CSMD1: variants seen among roughly 807,000 people sequenced by gnomAD.
CSMD1 encodes the protein CUB and sushi domain-containing protein 1.
In CSMD1, 213 loss-of-function variants were observed where a neutral mutation model predicts 417.5. The ratio of observed to expected loss-of-function variants is 0.51; its 90% CI spans 0.46 to 0.57. The LOEUF is 0.57. Ranked by LOEUF, CSMD1 falls within the 20% of genes least tolerant of loss-of-function variation. CSMD1 has a pLI of 0.00. For missense variants in CSMD1, 6,923 were observed against 4,529.7 expected, an observed-to-expected ratio of 1.53 and a Z score of -15.17; for synonymous variants, 2,862 against 1,736.8, an observed-to-expected ratio of 1.65 and a Z score of -16.11.
At chr8:3,909,104 A>G (rs1458521789) in intron 5 of CSMD1, among the ~76,000 whole-genome samples, 3 of 152,182 alleles carry the variant, frequency 2.0e-5, no homozygotes, top group African/African-American at 7.2e-5. Context: ...ACTGGGCTGG[A>G]GACAACTAAA....
intron 49 of CSMD1, among the ~76,000 whole-genome samples, chr8:3,056,294 T>G (rs1316531190): frequency 1.3e-5 from 2 of 152,202 alleles, no homozygotes; most frequent in Non-Finnish European, 2.9e-5. Flanking sequence ...CCACATGGGA[T>G]TTCTTCTTTG....
At chr8:4,658,535 G>C (rs1031650510) in intron 1 of CSMD1, among the ~76,000 whole-genome samples, 1 of 152,066 alleles carries the variant, frequency 6.6e-6, no homozygotes, top group African/African-American at 2.4e-5. Context: ...CTATGCTTCA[G>C]AAATCAGACA....
chr8:3,786,350 G>T (rs6991288), intron 5 of CSMD1, among the ~76,000 whole-genome samples: 16,526 of 152,082 alleles, frequency 0.11, 1,023 homozygotes, highest in African/African-American at 0.16. Context: ...TGAGACCACG[G>T]GCTTGGGTGA....
chr8:3,461,460 G>A lies in CSMD1; in HGVS notation c.1561+7252C>T, dbSNP rs146545544. Among the ~76,000 whole-genome samples the A allele has an allele frequency of 7.2e-3, 1,099 of 152,332 alleles. 14 individuals are homozygous for A. The highest frequency in any genetic ancestry group is 0.025 in the African/African-American group (1,039 of 41,570). ...GGAATACATGGGGCCAGGAACTGAGGAGGGGAAGCAGGAGTAGCTGTCTCA... is the reference window on the plus strand; with the variant it reads ...GGAATACATGGGGCCAGGAACTGAGAAGGGGAAGCAGGAGTAGCTGTCTCA... On this transcript the variant is annotated intron_variant, in intron 12 of 69. Coordinates refer to ENST00000635120, the MANE Select transcript of CSMD1 (RefSeq NM_033225.6).
intron 5 of CSMD1, among the ~76,000 whole-genome samples, chr8:3,795,661 TA>T (rs1800041198): frequency 7.9e-5 from 3 of 37,946 alleles, no homozygotes; most frequent in Non-Finnish European, 1.4e-4. Context: ...ATATCTATCA[TA>T]GATATAGATA....
At chr8:3,906,159 C>T (rs1001996007) in intron 5 of CSMD1, among the ~76,000 whole-genome samples, 3 of 152,142 alleles carry the variant, frequency 2.0e-5, no homozygotes, top group East Asian at 1.9e-4. Context: ...AAGCATCATA[C>T]TACCTGCATT....
chr8:3,748,445 G>A (rs1356310449), intron 6 of CSMD1, among the ~76,000 whole-genome samples: 2 of 152,196 alleles, frequency 1.3e-5, no homozygotes, highest in Non-Finnish European at 2.9e-5. Flanking sequence ...TAGACACTCT[G>A]CAGAGCAGTG....
chr8:4,610,306 C>G (rs1801103021), intron 2 of CSMD1, among the ~76,000 whole-genome samples: 1 of 152,196 alleles, frequency 6.6e-6, no homozygotes, highest in Non-Finnish European at 1.5e-5. Flanking sequence ...AGCAATATCC[C>G]TCTAGTATTA....
chr8:4,766,549 A>C (rs1585065649), intron 1 of CSMD1, among the ~76,000 whole-genome samples: 1 of 152,354 alleles, frequency 6.6e-6, no homozygotes, highest in East Asian at 1.9e-4. Context: ...GATAATTGAG[A>C]AATATGCTTT....
At chr8:4,900,940 A>G (rs1049992090) in intron 1 of CSMD1, among the ~76,000 whole-genome samples, 1 of 152,254 alleles carries the variant, frequency 6.6e-6, no homozygotes, top group African/African-American at 2.4e-5. Flanking sequence ...AGTGCCCAGC[A>G]CAGTGCGGCC....
intron 26 of CSMD1, among the ~76,000 whole-genome samples, chr8:3,245,406 C>T (rs1465611876): frequency 6.6e-6 from 1 of 152,216 alleles, no homozygotes; most frequent in Non-Finnish European, 1.5e-5. Context: ...TTTTCCCCCT[C>T]TCTTTCTTAG....
chr8:4,437,506 C>T (rs561922931), intron 2 of CSMD1, among the ~76,000 whole-genome samples: 12 of 152,056 alleles, frequency 7.9e-5, no homozygotes, highest in East Asian at 1.9e-4. Context: ...ATAACATAGC[C>T]GCGTATGTAT....
chr8:3,743,447 G>T (rs569091190), intron 6 of CSMD1, among the ~76,000 whole-genome samples: 1 of 152,188 alleles, frequency 6.6e-6, no homozygotes, highest in East Asian at 1.9e-4. Context: ...GTATTATGTG[G>T]AGACTTCTGA....
chr8:3,327,250 C>T (rs1806593623), intron 23 of CSMD1, among the ~76,000 whole-genome samples: 1 of 151,972 alleles, frequency 6.6e-6, no homozygotes, highest in South Asian at 2.1e-4. Flanking sequence ...TCACGCCATT[C>T]TCCTGCCTCA....
At chr8:3,957,504 C>T (rs576120204) in intron 5 of CSMD1, among the ~76,000 whole-genome samples, 2 of 152,160 alleles carry the variant, frequency 1.3e-5, no homozygotes, top group South Asian at 2.1e-4. Context: ...TGGCCGCACT[C>T]TTCTCTATAA....
intron 23 of CSMD1, among the ~76,000 whole-genome samples, chr8:3,333,268 C>T (rs1446651361): frequency 6.6e-6 from 1 of 152,062 alleles, no homozygotes; most frequent in South Asian, 2.1e-4. Flanking sequence ...TCCTGACCCA[C>T]GGATGCTGTG....
intron 2 of CSMD1, among the ~76,000 whole-genome samples, chr8:4,425,480 T>C (rs1797496287): frequency 1.3e-5 from 2 of 152,054 alleles, no homozygotes; most frequent in South Asian, 2.1e-4. Flanking sequence ...GCTAAATTTG[T>C]GATTAAATGT....
chr8:4,030,472 G>A (rs557059389), intron 4 of CSMD1, among the ~76,000 whole-genome samples: 1 of 152,278 alleles, frequency 6.6e-6, no homozygotes, highest in South Asian at 2.1e-4. Flanking sequence ...GCTTTATGTT[G>A]CCCCTTTCAG....
In CSMD1 at chr8:4,077,063, C is replaced by T. The variant is rs971417605; in HGVS notation, c.416-44964G>A. Among the ~76,000 whole-genome samples, 3 of 152,020 alleles carry T rather than the reference C, an allele frequency of 2.0e-5. No homozygotes were observed. The East Asian group carries it at 5.8e-4, about 29-fold the overall frequency. On this transcript the variant is annotated intron_variant, in intron 3 of 69. Transcript: ENST00000635120. ...CTATGTGGTATCTAACCCTTATTCT[C>T]AATATAATTGGTCATAAATGATATA... is the stretch of plus-strand genomic sequence containing the variant.
Sources: gnomAD v4.1 joint callset for allele counts (sites outside exome capture counted in the v4.1 genomes callset) on GRCh38, gnomAD v4.1.1 for gene constraint, MANE v1.5 for transcripts, NCBI Gene and HGNC (gene_info 2026-07-23, HGNC 2026-07-21) for gene names.